Variants in ST3GAL4 observed in about 807,000 individuals in gnomAD.
The protein encoded by ST3GAL4 is ST3 beta-galactoside alpha-2,3-sialyltransferase 4.
Under a neutral mutation model 42.6 loss-of-function variants are expected in ST3GAL4, and 24 were observed. The observed-to-expected ratio is 0.56, with a 90% CI of 0.41 to 0.79. The LOEUF (loss-of-function observed/expected upper bound fraction) is 0.79, where lower values mean the gene tolerates loss of function less well. Among genes scored for constraint, ST3GAL4 ranks in the 30% least tolerant of loss-of-function variants. ST3GAL4 has a pLI of 0.00. For missense variants in ST3GAL4, 311 were observed against 430.8 expected, an observed-to-expected ratio of 0.72 and a Z score of 2.46; for synonymous variants, 135 against 163.2, an observed-to-expected ratio of 0.83 and a Z score of 1.32.
At chr11:126,401,810 A>AGTGG (rs1262112034) in intron 1 of ST3GAL4, among the ~76,000 whole-genome samples, 1 of 151,954 alleles carries the variant, frequency 6.6e-6, no homozygotes, top group Non-Finnish European at 1.5e-5. Context: ...GAGTGGAGGG[A>AGTGG]GTGGCATAGG....
At position 126,398,834 on chromosome 11, in the gene ST3GAL4, C is replaced by T. The variant is rs1300509256; in HGVS notation, c.-60-7262C>T. Among the ~76,000 whole-genome samples, 1 of 152,190 alleles carries T rather than the reference C, an allele frequency of 6.6e-6. No individual in the cohort carries two copies. The highest frequency in any genetic ancestry group is 1.5e-5 in the Non-Finnish European group (1 of 68,042). ...TTCTAGAATGGTAGGTCAAGCTGCA[C>T]CTGGGCCCATTTAAGCCATGGCTGG... On this transcript the variant is annotated intron_variant, in intron 1 of 10. Transcript: ENST00000444328. This position sits in a 1 kb window ranked among gnomAD's most constrained non-coding sequence, Gnocchi z 4.7.
In ST3GAL4 at chr11:126,410,629, T is replaced by C. The variant is rs1206960250; in HGVS notation, c.771+1218T>C. Among the ~76,000 whole-genome samples, 2 of 152,226 alleles carry C rather than the reference T, an allele frequency of 1.3e-5. No homozygotes were observed. The highest frequency in any genetic ancestry group is 6.5e-5 in the Admixed American group (1 of 15,292). ...GCCAGATTTTGAATAAATGATTTTA[T>C]TGTTTACTGAACATTTCCTGTTATT... On this transcript the variant is annotated intron_variant, in intron 9 of 10. Transcript: ENST00000444328. The surrounding 1 kb of genome is among the most constrained non-coding windows in gnomAD (Gnocchi z 5.3).
chr11:126,404,154 C>T (rs1954129763), intron 1 of ST3GAL4, among the ~76,000 whole-genome samples: 1 of 152,136 alleles, frequency 6.6e-6, no homozygotes, highest in African/African-American at 2.4e-5. Flanking sequence ...ATAGATGAAT[C>T]GCCAGGGTAT....
At position 126,392,924 on chromosome 11, in the gene ST3GAL4, G is replaced by C. The variant is rs1388478678; in HGVS notation, c.-60-13172G>C. Among the ~76,000 whole-genome samples, 4 of 151,110 alleles carry C rather than the reference G, an allele frequency of 2.6e-5. No homozygotes were observed. The highest frequency in any genetic ancestry group is 5.9e-5 in the Non-Finnish European group (4 of 67,886). ...GCTTGGGTCCCAACCACTGATTCCA[G>C]ATCTCTCAACATTTGTAACACGACC... On this transcript the variant is annotated intron_variant, in intron 1 of 10. Coordinates refer to ENST00000444328, the MANE Select transcript of ST3GAL4 (RefSeq NM_001254757.2). This position sits in a 1 kb window ranked among gnomAD's most constrained non-coding sequence, Gnocchi z 5.8.
At chr11:126,371,887 C>G (rs1218684217) in intron 1 of ST3GAL4, among the ~76,000 whole-genome samples, 1 of 152,246 alleles carries the variant, frequency 6.6e-6, no homozygotes, top group Non-Finnish European at 1.5e-5. Flanking sequence ...GTACTCCCAC[C>G]AGCAATGTGT....
At chr11:126,357,289 A>C (rs1178554389) in intron 1 of ST3GAL4, among the ~76,000 whole-genome samples, 1 of 152,212 alleles carries the variant, frequency 6.6e-6, no homozygotes, top group Non-Finnish European at 1.5e-5. Context: ...CTGTCAAGAC[A>C]TGGGGAGCTT....
intron 1 of ST3GAL4, among the ~76,000 whole-genome samples, chr11:126,367,703 G>A (rs893752883): frequency 2.6e-5 from 4 of 152,150 alleles, no homozygotes; most frequent in African/African-American, 9.7e-5. Flanking sequence ...ATTAAAAGTA[G>A]TTCTGGCTGA....
At chr11:126,361,101 C>G (rs71475955) in intron 1 of ST3GAL4, among the ~76,000 whole-genome samples, 1 of 152,188 alleles carries the variant, frequency 6.6e-6, no homozygotes, top group East Asian at 1.9e-4. Flanking sequence ...CATCACCCCT[C>G]CCTAGTAACC....
chr11:126,364,783 C>T (rs1952368082), intron 1 of ST3GAL4, among the ~76,000 whole-genome samples: 1 of 151,460 alleles, frequency 6.6e-6, no homozygotes, highest in South Asian at 2.1e-4. Context: ...CCCTCTCAGC[C>T]CACTCATCCA....
At position 126,407,607 on chromosome 11, in the gene ST3GAL4, G is replaced by GCTC. The variant is rs753832862; in HGVS notation, c.319_321dup (p.Ser107dup). 3.1e-6 allele frequency: 5 copies of GCTC among 1,614,134 alleles called. No homozygotes were observed. The highest frequency in any genetic ancestry group is 4.2e-6 in the Non-Finnish European group (5 of 1,180,022). On this transcript the variant is annotated inframe_insertion, in exon 6 of 11. Transcript: ENST00000444328. ...CTCCTCCGGGTGCTAGCCATCACCA[G>GCTC]CTCCTCCATCCCCAAGAACATCCAG...
rs1282745855 is a variant in ST3GAL4 at position 126,398,673 on chromosome 11, C to T, written c.-60-7423C>T. On this transcript the variant is annotated intron_variant, in intron 1 of 10. Coordinates refer to ENST00000444328, the MANE Select transcript of ST3GAL4 (RefSeq NM_001254757.2). The surrounding 1 kb of genome is among the most constrained non-coding windows in gnomAD (Gnocchi z 4.7). ...TGGTGGCTCTGACCCTGCAACCAGT[C>T]TCTGCCTGGGTCCCGAGTCTGTCCG... is the stretch of plus-strand genomic sequence containing the variant. 6.6e-6 allele frequency among the ~76,000 whole-genome samples: 1 copy of T among 152,266 alleles called. No individual in the cohort carries two copies. Among genetic ancestry groups the T allele is most frequent in the African/African-American group, 2.4e-5 (1 of 41,480 alleles).
rs185525518 is a variant in ST3GAL4, at chr11:126,366,619, C to G, written c.-61+10777C>G. On this transcript the variant is annotated intron_variant, in intron 1 of 10. Coordinates refer to ENST00000444328, the MANE Select transcript of ST3GAL4 (RefSeq NM_001254757.2). The surrounding 1 kb of genome is among the most constrained non-coding windows in gnomAD (Gnocchi z 4.2). ...CCCTCTGGCGAGTCTGCCTCTCACT[C>G]GCTCAGCCCCTTTAACCCTGCTGGC... 6.6e-6 allele frequency among the ~76,000 whole-genome samples: 1 copy of G among 152,278 alleles called. No individual in the cohort carries two copies. The highest frequency in any genetic ancestry group is 1.9e-4 in the East Asian group (1 of 5,178).
chr11:126,394,507 C>A (rs1394222400), intron 1 of ST3GAL4, among the ~76,000 whole-genome samples: 6 of 152,196 alleles, frequency 3.9e-5, no homozygotes, highest in African/African-American at 1.4e-4. Flanking sequence ...TCACTGCAGC[C>A]TCCACCTCCC....
At position 126,398,681 on chromosome 11, in the gene ST3GAL4, G is replaced by T. The variant is rs1953879892; in HGVS notation, c.-60-7415G>T. Among the ~76,000 whole-genome samples the T allele has an allele frequency of 6.6e-6, 1 of 152,250 alleles. No individual in the cohort carries two copies. Among genetic ancestry groups the T allele is most frequent in the African/African-American group, 2.4e-5 (1 of 41,466 alleles). ...CTGACCCTGCAACCAGTCTCTGCCT[G>T]GGTCCCGAGTCTGTCCGCAATATCC... On this transcript the variant is annotated intron_variant, in intron 1 of 10. Coordinates refer to ENST00000444328, the MANE Select transcript of ST3GAL4 (RefSeq NM_001254757.2). The surrounding 1 kb of genome is among the most constrained non-coding windows in gnomAD (Gnocchi z 4.7).
At chr11:126,372,997 A>G (rs1418741418) in intron 1 of ST3GAL4, among the ~76,000 whole-genome samples, 1 of 152,102 alleles carries the variant, frequency 6.6e-6, no homozygotes, top group Non-Finnish European at 1.5e-5. Context: ...CTTTGCTTCC[A>G]TGTTTTTTCT....
rs1228589700 is a variant in ST3GAL4 at position 126,413,754 on chromosome 11, G to A, written c.915+106G>A. 2.2e-5 allele frequency: 33 copies of A among 1,534,620 alleles called. No homozygotes were observed. In the Admixed American group the frequency reaches 2.6e-4, roughly 12 times the overall value. The stretch of plus-strand genomic sequence containing the variant: ...GTGCTGAGACCCAGAGGTGGCTCCC[G>A]CAGTCAGAACTGGAACCGAGGCACC... On this transcript the variant is annotated intron_variant, in intron 10 of 10. Transcript: ENST00000444328.
At chr11:126,370,098 A>G (rs1565396532) in intron 1 of ST3GAL4, among the ~76,000 whole-genome samples, 1 of 152,268 alleles carries the variant, frequency 6.6e-6, no homozygotes, top group Non-Finnish European at 1.5e-5. Context: ...AAAGTGCTGC[A>G]GTAAAGATCC....
Position 126,393,917 on chromosome 11 carries a change from A to G in ST3GAL4, c.-60-12179A>G, listed in dbSNP as rs375039179. On this transcript the variant is annotated intron_variant, in intron 1 of 10. Coordinates refer to ENST00000444328, the MANE Select transcript of ST3GAL4 (RefSeq NM_001254757.2). The surrounding 1 kb of genome is among the most constrained non-coding windows in gnomAD (Gnocchi z 5.9). The stretch of plus-strand genomic sequence containing the variant: ...CATTTCAACATGGGATGAGCATAAA[A>G]TAATGAAGGTGATATTTTATTCTTT... Among the ~76,000 whole-genome samples, 1 of 152,288 alleles carries G rather than the reference A, an allele frequency of 6.6e-6. No individual in the cohort carries two copies. The highest frequency in any genetic ancestry group is 1.5e-5 in the Non-Finnish European group (1 of 68,054).
rs1383570329 is a variant in ST3GAL4, at chr11:126,386,934, A to G, written c.-60-19162A>G. On this transcript the variant is annotated intron_variant, in intron 1 of 10. Coordinates refer to ENST00000444328, the MANE Select transcript of ST3GAL4 (RefSeq NM_001254757.2). This position sits in a 1 kb window ranked among gnomAD's most constrained non-coding sequence, Gnocchi z 4.7. ...CACCCCGCTGGAGAAGCCCTGCACC[A>G]GAGCATACAGTTTGGCAAGTAGGAG... Among the ~76,000 whole-genome samples, 2 of 152,028 alleles carry G rather than the reference A, an allele frequency of 1.3e-5. No individual in the cohort carries two copies. The highest frequency in any genetic ancestry group is 2.9e-5 in the Non-Finnish European group (2 of 67,996).
Sources: allele counts gnomAD v4.1 joint callset (sites outside exome capture counted in the v4.1 genomes callset), GRCh38; gene constraint gnomAD v4.1.1; non-coding constraint Gnocchi (gnomAD v3.1); transcripts MANE v1.5; gene names NCBI Gene and HGNC (gene_info 2026-07-23, HGNC 2026-07-21).